Variants in KCNJ16 observed in about 807,000 individuals in gnomAD.
KCNJ16 encodes the protein potassium inwardly rectifying channel subfamily J member 16, also known as inward rectifier potassium channel 16.
KCNJ16 carries 15 observed loss-of-function variants against 18.5 expected under a neutral mutation model. The ratio of observed to expected loss-of-function variants is 0.81; its 90% CI spans 0.54 to 1.25. KCNJ16 has a LOEUF of 1.25. Among genes scored for constraint, KCNJ16 ranks in the 50% most tolerant of loss-of-function variants. The pLI, the probability that KCNJ16 is intolerant of heterozygous loss-of-function variation, is 0.00. For missense variants in KCNJ16, 523 were observed against 525.7 expected, an observed-to-expected ratio of 0.99 and a Z score of 0.05; for synonymous variants, 174 against 186.5, an observed-to-expected ratio of 0.93 and a Z score of 0.55.
chr17:70,114,995 A>G (rs1361817398), intron 2 of KCNJ16, among the ~76,000 whole-genome samples: 1 of 152,114 alleles, frequency 6.6e-6, no homozygotes, highest in African/African-American at 2.4e-5. Flanking sequence ...ACTGATGTGC[A>G]TTTTCAGATG....
rs750241305 is a variant in KCNJ16, at chr17:70,132,370, A to G, written c.283A>G (p.Ile95Val). ...WLIFGSVFWL[I>V]AFHHGDLLND... ...GATATTTGGCTCTGTCTTTTGGCTC[A>G]TAGCCTTTCATCATGGCGATCTATT... The change falls in exon 4 of 4, where the codon ATA (isoleucine) becomes GTA (valine). Residue 95 changes from isoleucine (I) to valine (V), a missense_variant. Coordinates refer to ENST00000392671, the MANE Select transcript of KCNJ16 (RefSeq NM_170741.4). The G allele has an allele frequency of 1.2e-6, 2 of 1,614,050 alleles. No homozygotes were observed. Among genetic ancestry groups the G allele is most frequent in the Admixed American group, 1.7e-5 (1 of 59,998 alleles).
chr17:70,112,654 C>A lies in KCNJ16; in HGVS notation c.-191+11888C>A, dbSNP rs139010053. Among the ~76,000 whole-genome samples, 23 of 152,210 alleles carry A rather than the reference C, an allele frequency of 1.5e-4. No homozygotes were observed. In the East Asian group the frequency reaches 4.4e-3, roughly 29 times the overall value. On this transcript the variant is annotated intron_variant, in intron 2 of 3. Transcript: ENST00000392671. Reference sequence around the variant, plus strand: ...AAATGGCATTTTGATTAAGTTAAAGCAAAAGGTAATTTTATTACCAGAGAA... The same window carrying A: ...AAATGGCATTTTGATTAAGTTAAAGAAAAAGGTAATTTTATTACCAGAGAA...
intron 2 of KCNJ16, among the ~76,000 whole-genome samples, chr17:70,103,937 C>CTTTTT (rs71149820): frequency 7.6e-6 from 1 of 132,018 alleles, no homozygotes; most frequent in Non-Finnish European, 1.6e-5. Context: ...ATTTTATTAT[C>CTTTTT]TTTTTTTTTT....
chr17:70,078,119 T>C (rs1203953388), intron 1 of KCNJ16, among the ~76,000 whole-genome samples: 1 of 152,150 alleles, frequency 6.6e-6, no homozygotes, highest in African/African-American at 2.4e-5. Flanking sequence ...CAGATTTTTT[T>C]CCTCACCTTG....
intron 2 of KCNJ16, among the ~76,000 whole-genome samples, chr17:70,123,332 C>G (rs1484055631): frequency 6.6e-6 from 1 of 152,270 alleles, no homozygotes; most frequent in East Asian, 1.9e-4. Context: ...TGAGCAGAAA[C>G]GAGAGGCAAG....
chr17:70,112,479 T>C (rs2073228767), intron 2 of KCNJ16, among the ~76,000 whole-genome samples: 1 of 151,946 alleles, frequency 6.6e-6, no homozygotes, highest in African/African-American at 2.4e-5. Context: ...CAGTATTTCT[T>C]TCCCTTGTCT....
At chr17:70,128,920 A>G (rs1305566216) in intron 2 of KCNJ16, 2 of 152,208 alleles carry the variant, frequency 1.3e-5, no homozygotes, top group Non-Finnish European at 1.5e-5. Context: ...TCTCCTGTAA[A>G]CAGGAAGTGT....
In KCNJ16 at chr17:70,132,146, A is replaced by G. The variant is rs1334404618; in HGVS notation, c.59A>G (p.Tyr20Cys). 2.5e-6 allele frequency: 4 copies of G among 1,614,194 alleles called. No homozygotes were observed. The Middle Eastern group carries it at 4.9e-4, about 200-fold the overall frequency. The change falls in exon 4 of 4, where the codon TAC becomes TGC. Residue 20 changes from tyrosine to cysteine, a missense_variant. Transcript: ENST00000392671. ...AATGCGGACGCAAAATACCCAGGCT[A>G]CCCGCCAGAGCACATTATAGCTGAG... ...IINADAKYPG[Y>C]PPEHIIAEKR...
rs535599233 is a variant in KCNJ16 at position 70,113,888 on chromosome 17, G to C, written c.-191+13122G>C. On this transcript the variant is annotated intron_variant, in intron 2 of 3. Coordinates refer to ENST00000392671, the MANE Select transcript of KCNJ16 (RefSeq NM_170741.4). ...CTATCAAATACACTAACTCCTGTCAGCTCTCTAAATCTTCTATTATCTGTA... is the reference window on the plus strand; with the variant it reads ...CTATCAAATACACTAACTCCTGTCACCTCTCTAAATCTTCTATTATCTGTA... Among the ~76,000 whole-genome samples the C allele has an allele frequency of 2.0e-5, 3 of 152,146 alleles. No individual in the cohort carries two copies. In the East Asian group the frequency reaches 5.8e-4, roughly 29 times the overall value.
intron 1 of KCNJ16, among the ~76,000 whole-genome samples, chr17:70,085,071 C>A (rs2071732446): frequency 6.6e-6 from 1 of 152,154 alleles, no homozygotes; most frequent in African/African-American, 2.4e-5. Flanking sequence ...GATACTGTCA[C>A]AATGACAGGT....
At position 70,092,489 on chromosome 17, in the gene KCNJ16, A is replaced by ATAGATAGATAG. The variant is rs2072134300; in HGVS notation, c.-299-8169_-299-8168insTAGATAGATAG. On this transcript the variant is annotated intron_variant, in intron 1 of 3. Coordinates refer to ENST00000392671, the MANE Select transcript of KCNJ16 (RefSeq NM_170741.4). ...CAAGGTTCTCTAGAGAAACAGAACC[A>ATAGATAGATAG]ATAGATAGATAGATAGATAGATAGA... 3.3e-5 allele frequency among the ~76,000 whole-genome samples: 3 copies of ATAGATAGATAG among 89,830 alleles called. No homozygotes were observed. In the Admixed American group the frequency reaches 3.8e-4, roughly 11 times the overall value. 58.9% of individuals were successfully genotyped at this position (89,830 alleles called of 152,430 possible).
Position 70,133,458 on chromosome 17 carries a change from G to A in KCNJ16, c.*114G>A. 1 of 788,786 alleles carries A rather than the reference G, an allele frequency of 1.3e-6. No homozygotes were observed. The highest frequency in any genetic ancestry group is 2.0e-6 in the Non-Finnish European group (1 of 496,310). 48.9% of individuals were successfully genotyped at this position (788,786 alleles called of 1,614,324 possible). A position where few individuals can be genotyped will look rare whatever the true frequency, so the allele number is the denominator to read the frequency against. ...TATGGCTATGTTTTATGATGATGCTGGGTAAGTAGAGTAAGTTAAACTTGG... is the reference window on the plus strand; with the variant it reads ...TATGGCTATGTTTTATGATGATGCTAGGTAAGTAGAGTAAGTTAAACTTGG... On this transcript the variant is annotated 3_prime_UTR_variant, in exon 4 of 4. Coordinates refer to ENST00000392671, the MANE Select transcript of KCNJ16 (RefSeq NM_170741.4).
intron 1 of KCNJ16, among the ~76,000 whole-genome samples, chr17:70,100,300 A>G (rs58951163): frequency 0.019 from 2,933 of 152,288 alleles, 103 homozygotes; most frequent in African/African-American, 0.065. Flanking sequence ...TCTATTTCAA[A>G]TTACTGGATT....
intron 2 of KCNJ16, among the ~76,000 whole-genome samples, chr17:70,106,572 C>G (rs568633109): frequency 6.6e-6 from 1 of 152,146 alleles, no homozygotes; most frequent in African/African-American, 2.4e-5. Flanking sequence ...TAAGAAAACA[C>G]AAGCCAATTG....
chr17:70,080,582 G>A (rs2071510692), intron 1 of KCNJ16, among the ~76,000 whole-genome samples: 1 of 152,020 alleles, frequency 6.6e-6, no homozygotes, highest in South Asian at 2.1e-4. Context: ...GCTTTGTAAG[G>A]TTTATTTTTT....
intron 2 of KCNJ16, among the ~76,000 whole-genome samples, chr17:70,110,739 A>T (rs2073151097): frequency 6.6e-6 from 1 of 152,134 alleles, no homozygotes; most frequent in African/African-American, 2.4e-5. Context: ...TGAAGACAAC[A>T]AGCCTTCCCT....
chr17:70,096,959 G>A, intron 1 of KCNJ16: 1 of 398,302 alleles, frequency 2.5e-6, no homozygotes. Context: ...GAGGTAACAT[G>A]TCCTAACATA....
chr17:70,092,566 T>TTAG (rs1555585505), intron 1 of KCNJ16, among the ~76,000 whole-genome samples: 1 of 102,686 alleles, frequency 9.7e-6, no homozygotes, highest in East Asian at 3.1e-4. Context: ...AGATGATAGA[T>TTAG]ATAGATAGAT....
chr17:70,103,520 T>C (rs868485009), intron 2 of KCNJ16, among the ~76,000 whole-genome samples: 2 of 151,692 alleles, frequency 1.3e-5, no homozygotes, highest in African/African-American at 2.4e-5. Flanking sequence ...TGTCACAATT[T>C]TTCCTCCTAC....
Sources: gnomAD v4.1 joint callset for allele counts (sites outside exome capture counted in the v4.1 genomes callset) on GRCh38, gnomAD v4.1.1 for gene constraint, MANE v1.5 for transcripts, NCBI Gene and HGNC (gene_info 2026-07-23, HGNC 2026-07-21) for gene names.